The following GRID2 variants were observed in gnomAD, a reference collection of about 807,000 sequenced individuals.
GRID2 encodes glutamate receptor ionotropic, delta-2.
Under a neutral mutation model 114.8 loss-of-function variants are expected in GRID2, and 33 were observed. The observed-to-expected ratio is 0.29, with a 90% confidence interval of 0.22 to 0.38. GRID2 has a LOEUF of 0.38. Among genes scored for constraint, GRID2 ranks in the 10% least tolerant of loss-of-function variants. GRID2 has a pLI of 1.00. For missense variants in GRID2, 1,184 were observed against 1,257.7 expected, an observed-to-expected ratio of 0.94 and a Z score of 0.89; for synonymous variants, 505 against 449.9, an observed-to-expected ratio of 1.12 and a Z score of -1.55.
chr4:93,427,128 TAGAGATGTA>T (rs1447806410), intron 10 of GRID2, among the ~76,000 whole-genome samples: 1 of 152,016 alleles, frequency 6.6e-6, no homozygotes, highest in Non-Finnish European at 1.5e-5. Context: ...CTGTTATCAG[TAGAGATGTA>T]AGTTATAATT....
chr4:92,447,011 A>C (rs566332237), intron 1 of GRID2, among the ~76,000 whole-genome samples: 2 of 152,186 alleles, frequency 1.3e-5, no homozygotes, highest in African/African-American at 2.4e-5. Context: ...AGAAACACTA[A>C]ATTAGATTAC....
At position 92,667,583 on chromosome 4, in the gene GRID2, T is replaced by C. The variant is rs577016329; in HGVS notation, c.244+77297T>C. Among the ~76,000 whole-genome samples the C allele has an allele frequency of 1.6e-4, 24 of 151,790 alleles. No homozygotes were observed. The South Asian group carries it at 5.0e-3, about 31-fold the overall frequency. On this transcript the variant is annotated intron_variant, in intron 2 of 15. Coordinates refer to ENST00000282020, the MANE Select transcript of GRID2 (RefSeq NM_001510.4). ...ATAGACTCTAGAAAGGTCCTCCATA[T>C]GCGCTACTCAATGCATACTTCTTAC...
intron 2 of GRID2, among the ~76,000 whole-genome samples, chr4:92,630,008 G>A (rs1012154243): frequency 6.6e-6 from 1 of 151,116 alleles, no homozygotes; most frequent in East Asian, 1.9e-4. Context: ...GGACAGTAGT[G>A]TTAGAATAAT....
At chr4:93,265,085 G>A (rs1219478522) in intron 8 of GRID2, among the ~76,000 whole-genome samples, 1 of 151,858 alleles carries the variant, frequency 6.6e-6, no homozygotes, top group Non-Finnish European at 1.5e-5. Context: ...CTGGCCTAAT[G>A]TTATAATTTT....
At chr4:93,168,429 G>T (rs533331052) in intron 4 of GRID2, among the ~76,000 whole-genome samples, 1 of 152,116 alleles carries the variant, frequency 6.6e-6, no homozygotes, top group Non-Finnish European at 1.5e-5. Flanking sequence ...CAAGAAAGCA[G>T]CTCAAAAATG....
chr4:92,848,688 G>T lies in GRID2; in HGVS notation c.245-236307G>T, dbSNP rs117464657. On this transcript the variant is annotated intron_variant, in intron 2 of 15. Coordinates refer to ENST00000282020, the MANE Select transcript of GRID2 (RefSeq NM_001510.4). Reference sequence around the variant, plus strand: ...TTACCACCTGAGAATTTAATGAAGCGGGCTACGGGGATCTGGAGTCACACC... The same window carrying T: ...TTACCACCTGAGAATTTAATGAAGCTGGCTACGGGGATCTGGAGTCACACC... Among the ~76,000 whole-genome samples the T allele has an allele frequency of 8.7e-3, 1,316 of 151,958 alleles. 57 individuals carry two copies. The highest frequency in any genetic ancestry group is 0.063 in the Admixed American group (962 of 15,208).
In GRID2 at chr4:93,240,758, G is replaced by GT. The variant is rs879317232; in HGVS notation, c.1245+2278dup. Among the ~76,000 whole-genome samples, 1,282 of 148,914 alleles carry GT rather than the reference G, an allele frequency of 8.6e-3. 11 individuals carry two copies. Among genetic ancestry groups the GT allele is most frequent in the African/African-American group, 0.027 (1,090 of 40,930 alleles). ...ATTAAGGTCTTTTATCTATCTAGAA[G>GT]TTTTTTTTTTATATATATACGGGGT... On this transcript the variant is annotated intron_variant, in intron 8 of 15. Transcript: ENST00000282020.
chr4:92,953,832 AT>A (rs1158204713), intron 2 of GRID2, among the ~76,000 whole-genome samples: 1 of 152,126 alleles, frequency 6.6e-6, no homozygotes, highest in Non-Finnish European at 1.5e-5. Context: ...ATATTTCACA[AT>A]TTTTTAAACA....
In GRID2 at chr4:93,772,690, C is replaced by T. The variant is rs1734207198; in HGVS notation, c.*192C>T. The T allele has an allele frequency of 3.7e-6, 2 of 537,680 alleles. No homozygotes were observed. The highest frequency in any genetic ancestry group is 5.9e-5 in the East Asian group (2 of 33,888). 33.3% of individuals were successfully genotyped at this position (537,680 alleles called of 1,614,324 possible). On this transcript the variant is annotated 3_prime_UTR_variant, in exon 16 of 16. Coordinates refer to ENST00000282020, the MANE Select transcript of GRID2 (RefSeq NM_001510.4). ...GATTTTCTCTCTTTCCCCCTCCCTTCCTGTACATTTTCCTCCACTTTTTTT... is the reference window on the plus strand; with the variant it reads ...GATTTTCTCTCTTTCCCCCTCCCTTTCTGTACATTTTCCTCCACTTTTTTT...
chr4:93,409,547 T>C (rs76327935), intron 9 of GRID2, among the ~76,000 whole-genome samples: 1,743 of 152,288 alleles, frequency 0.011, 30 homozygotes, highest in African/African-American at 0.04. Flanking sequence ...TTATTCTAGA[T>C]ATAAAGCATT....
chr4:93,595,578 A>C (rs1218185671), intron 13 of GRID2, among the ~76,000 whole-genome samples: 1 of 152,240 alleles, frequency 6.6e-6, no homozygotes, highest in Admixed American at 6.5e-5. Flanking sequence ...GTAAGAACTC[A>C]GTAAAAATGT....
intron 1 of GRID2, among the ~76,000 whole-genome samples, chr4:92,309,774 A>G (rs902882206): frequency 1.3e-5 from 2 of 151,988 alleles, no homozygotes; most frequent in African/African-American, 4.8e-5. Flanking sequence ...TATTTAAAAT[A>G]GGAGAGAAAT....
chr4:92,494,318 A>G (rs1723286440), intron 1 of GRID2, among the ~76,000 whole-genome samples: 1 of 151,930 alleles, frequency 6.6e-6, no homozygotes, highest in Admixed American at 6.6e-5. Flanking sequence ...TAAATTACTA[A>G]AAAATTTTCA....
intron 8 of GRID2, among the ~76,000 whole-genome samples, chr4:93,324,811 A>C (rs1757647902): frequency 6.6e-6 from 1 of 152,042 alleles, no homozygotes; most frequent in African/African-American, 2.4e-5. Context: ...TAGATTTTCT[A>C]GTTTACTTGC....
At chr4:93,269,142 G>C (rs992727089) in intron 8 of GRID2, among the ~76,000 whole-genome samples, 2 of 152,096 alleles carry the variant, frequency 1.3e-5, no homozygotes, top group Non-Finnish European at 2.9e-5. Context: ...AGGAAGACTA[G>C]AATATCCATG....
intron 2 of GRID2, among the ~76,000 whole-genome samples, chr4:92,720,674 GA>G (rs1207914853): frequency 5.3e-5 from 8 of 152,086 alleles, no homozygotes; most frequent in South Asian, 2.1e-4. Flanking sequence ...AAAAGGAACT[GA>G]AAAAATATCT....
intron 2 of GRID2, among the ~76,000 whole-genome samples, chr4:92,754,047 A>G (rs569400337): frequency 5.3e-5 from 8 of 152,342 alleles, no homozygotes; most frequent in African/African-American, 1.4e-4. Flanking sequence ...CATCGTTTAC[A>G]TATTTGCTAA....
At chr4:92,707,401 A>G (rs1200479262) in intron 2 of GRID2, among the ~76,000 whole-genome samples, 6 of 152,196 alleles carry the variant, frequency 3.9e-5, no homozygotes, top group Non-Finnish European at 8.8e-5. Context: ...TAAAGTTGGC[A>G]TAATAGATTC....
intron 1 of GRID2, among the ~76,000 whole-genome samples, chr4:92,514,251 G>A (rs898909483): frequency 2.6e-5 from 4 of 151,778 alleles, no homozygotes; most frequent in African/African-American, 9.7e-5. Flanking sequence ...ATGTATAACT[G>A]TAATTTGATA....
Sources: gnomAD v4.1 joint callset for allele counts (sites outside exome capture counted in the v4.1 genomes callset) on GRCh38, gnomAD v4.1.1 for gene constraint, MANE v1.5 for transcripts, NCBI Gene and HGNC (gene_info 2026-07-23, HGNC 2026-07-21) for gene names.